CADM2: variants seen among roughly 807,000 people sequenced by gnomAD.
CADM2 encodes cell adhesion molecule 2.
A neutral mutation model predicts 49.8 loss-of-function variants in CADM2; 12 were observed. The ratio of observed to expected loss-of-function variants is 0.24; its 90% confidence interval spans 0.15 to 0.39. CADM2 has a LOEUF of 0.39. CADM2 is among the 10% of genes least tolerant of loss of function. The probability of loss-of-function intolerance (pLI) is 1.00; values close to 1 mark genes in which losing one functional copy is unlikely to be tolerated. For synonymous variants in CADM2, 214 were observed against 175.4 expected (o/e 1.22, Z -1.74); for missense variants, 378 against 492.3 (o/e 0.77, Z 2.20).
At position 85,508,152 on chromosome 3, in the gene CADM2, G is replaced by A. The variant is rs374734918; in HGVS notation, c.62-218370G>A. On this transcript the variant is annotated intron_variant, in intron 1 of 9. Transcript: ENST00000383699. ...TTGCCTTCATGGACTGTCCTATTTCGCTTCAGAAATAGGCCTCCATGAGCA... is the reference window on the plus strand; with the variant it reads ...TTGCCTTCATGGACTGTCCTATTTCACTTCAGAAATAGGCCTCCATGAGCA... 3.9e-5 allele frequency among the ~76,000 whole-genome samples: 6 copies of A among 152,020 alleles called. No homozygotes were observed. The East Asian group carries it at 9.7e-4, about 24-fold the overall frequency.
intron 1 of CADM2, among the ~76,000 whole-genome samples, chr3:85,701,870 TA>T (rs1213278538): frequency 2.4e-5 from 2 of 85,024 alleles, no homozygotes; most frequent in African/African-American, 3.7e-5. Context: ...GATAGATAGA[TA>T]GATAGATAGA....
intron 1 of CADM2, among the ~76,000 whole-genome samples, chr3:85,249,424 A>G (rs1304042937): frequency 6.6e-6 from 1 of 152,018 alleles, no homozygotes; most frequent in Admixed American, 6.6e-5. Context: ...GTTTTTACAA[A>G]GCAATTCTCA....
chr3:85,245,081 A>T (rs1429474426), intron 1 of CADM2, among the ~76,000 whole-genome samples: 1 of 152,170 alleles, frequency 6.6e-6, no homozygotes, highest in Non-Finnish European at 1.5e-5. Flanking sequence ...AATCCTGTAC[A>T]TAAGCAGGGG....
chr3:85,094,538 C>T (rs2037723077), intron 1 of CADM2, among the ~76,000 whole-genome samples: 1 of 152,026 alleles, frequency 6.6e-6, no homozygotes, highest in Non-Finnish European at 1.5e-5. Context: ...AAATGAACAC[C>T]TTAAAGGACA....
intron 1 of CADM2, among the ~76,000 whole-genome samples, chr3:85,673,370 CA>C (rs2065801442): frequency 1.3e-5 from 2 of 152,054 alleles, no homozygotes; most frequent in South Asian, 4.1e-4. Flanking sequence ...GAAGGAAAAA[CA>C]GGGTAGTCTC....
intron 1 of CADM2, among the ~76,000 whole-genome samples, chr3:85,378,052 A>G (rs1465878981): frequency 1.3e-5 from 2 of 152,014 alleles, no homozygotes; most frequent in Non-Finnish European, 2.9e-5. Context: ...GCTAGTTTTC[A>G]TGAAATTATA....
intron 1 of CADM2, among the ~76,000 whole-genome samples, chr3:85,037,326 G>T (rs1489789676): frequency 6.6e-6 from 1 of 152,140 alleles, no homozygotes; most frequent in Non-Finnish European, 1.5e-5. Flanking sequence ...TCTCCTTTAT[G>T]CAGTGGACAT....
chr3:85,778,187 A>C (rs1024005061), intron 2 of CADM2, among the ~76,000 whole-genome samples: 52 of 152,306 alleles, frequency 3.4e-4, no homozygotes, highest in Middle Eastern at 6.8e-3. Context: ...TGTTCAAAAA[A>C]TTCGCCTGTT....
At chr3:85,366,272 A>AT (rs1262263528) in intron 1 of CADM2, among the ~76,000 whole-genome samples, 1 of 152,136 alleles carries the variant, frequency 6.6e-6, no homozygotes, top group African/African-American at 2.4e-5. Context: ...CAACTTTAGG[A>AT]TTTTTTAAGT....
chr3:85,619,615 G>T (rs2063909358), intron 1 of CADM2, among the ~76,000 whole-genome samples: 1 of 152,100 alleles, frequency 6.6e-6, no homozygotes, highest in Non-Finnish European at 1.5e-5. Context: ...TGACCAATTA[G>T]TGTTATTTTA....
intron 5 of CADM2, among the ~76,000 whole-genome samples, chr3:85,902,993 T>A (rs1285754734): frequency 1.3e-5 from 2 of 152,058 alleles, no homozygotes; most frequent in Non-Finnish European, 2.9e-5. Flanking sequence ...TAAAATTTGT[T>A]ACATAAAACA....
intron 1 of CADM2, among the ~76,000 whole-genome samples, chr3:85,715,667 G>A (rs55694208): frequency 3.3e-5 from 5 of 151,874 alleles, no homozygotes; most frequent in East Asian, 1.9e-4. Context: ...CCCTCCACCC[G>A]CTGACAGACC....
intron 1 of CADM2, among the ~76,000 whole-genome samples, chr3:85,110,227 C>G (rs376091027): frequency 1.1e-4 from 16 of 151,620 alleles, no homozygotes; most frequent in African/African-American, 3.4e-4. Flanking sequence ...AGCAGGAGGT[C>G]TATTCGTATA....
intron 1 of CADM2, among the ~76,000 whole-genome samples, chr3:85,543,439 T>TGTGGGTGTGTGTGTGTGTGTGG (rs1402925417): frequency 8.0e-5 from 12 of 150,234 alleles, no homozygotes; most frequent in Admixed American, 7.3e-4. Context: ...TGTGTGTGTG[T>TGTGGGTGTGTGTGTGTGTGTGG]GTGTGTGTGT....
intron 1 of CADM2, among the ~76,000 whole-genome samples, chr3:85,617,220 C>T (rs2063824493): frequency 6.6e-6 from 1 of 152,236 alleles, no homozygotes; most frequent in South Asian, 2.1e-4. Flanking sequence ...AAGTCTGGAC[C>T]TTGGGAATTT....
Position 85,290,323 on chromosome 3 carries a change from G to C in CADM2, c.61+330655G>C, listed in dbSNP as rs187075389. On this transcript the variant is annotated intron_variant, in intron 1 of 9. Transcript: ENST00000383699. ...AATCTTGCTGATTGCTAGCACAGCA[G>C]TCTGAGATCAAACTGCAAGGCCGCA... 7.4e-3 allele frequency among the ~76,000 whole-genome samples: 1,134 copies of C among 152,254 alleles called. 10 individuals carry two copies. Among genetic ancestry groups the C allele is most frequent in the Non-Finnish European group, 0.011 (751 of 68,000 alleles).
At chr3:85,391,196 A>G (rs1419343973) in intron 1 of CADM2, among the ~76,000 whole-genome samples, 1 of 152,022 alleles carries the variant, frequency 6.6e-6, no homozygotes, top group Non-Finnish European at 1.5e-5. Context: ...GGTCTATTGT[A>G]TCTGTAATTC....
intron 1 of CADM2, among the ~76,000 whole-genome samples, chr3:85,212,879 T>TTTCTTTCTTTCTTTCTTTCTTTCC (rs1559723857): frequency 1.5e-5 from 2 of 134,036 alleles, no homozygotes; most frequent in African/African-American, 6.9e-5. Context: ...TCTTTCTTTC[T>TTTCTTTCTTTCTTTCTTTCTTTCC]TTCTTTCTCT....
At chr3:85,411,215 C>T (rs2035642315) in intron 1 of CADM2, among the ~76,000 whole-genome samples, 1 of 152,092 alleles carries the variant, frequency 6.6e-6, no homozygotes, top group African/African-American at 2.4e-5. Flanking sequence ...AAAGAGGTTA[C>T]TCTAGGGGTC....
Sources: allele counts gnomAD v4.1 joint callset (sites outside exome capture counted in the v4.1 genomes callset), GRCh38; gene constraint gnomAD v4.1.1; transcripts MANE v1.5; gene names NCBI Gene and HGNC (gene_info 2026-07-23, HGNC 2026-07-21).